GABRG3: variants seen among roughly 807,000 people sequenced by gnomAD.
The protein encoded by GABRG3 is gamma-aminobutyric acid type A receptor subunit gamma3.
GABRG3 carries 25 observed loss-of-function variants against 48.8 expected under a neutral mutation model. The ratio of observed to expected loss-of-function variants is 0.51; its 90% CI spans 0.37 to 0.72. GABRG3 has a LOEUF of 0.72. GABRG3 is among the 30% of genes least tolerant of loss of function. The pLI is 0.00. For synonymous variants in GABRG3, 227 were observed against 217.6 expected, an observed-to-expected ratio of 1.04 and a Z score of -0.38; for missense variants, 394 against 577.9, an observed-to-expected ratio of 0.68 and a Z score of 3.26.
chr15:27,139,604 T>C lies in GABRG3; in HGVS notation c.270+112783T>C, dbSNP rs527386678. Among the ~76,000 whole-genome samples, 51 of 151,432 alleles carry C rather than the reference T, an allele frequency of 3.4e-4. 2 individuals carry two copies. In the South Asian group the frequency reaches 1.0e-2, roughly 30 times the overall value. On this transcript the variant is annotated intron_variant, in intron 3 of 9. Coordinates refer to ENST00000615808, the MANE Select transcript of GABRG3 (RefSeq NM_033223.5). ...AATTAACTCTCACAGGTACTTACTTTTTCTGAAATTTTTTCCCAGAAATTC... is the reference window on the plus strand; with the variant it reads ...AATTAACTCTCACAGGTACTTACTTCTTCTGAAATTTTTTCCCAGAAATTC...
rs571535870 is a variant in GABRG3, at chr15:27,117,367, A to G, written c.270+90546A>G. On this transcript the variant is annotated intron_variant, in intron 3 of 9. Coordinates refer to ENST00000615808, the MANE Select transcript of GABRG3 (RefSeq NM_033223.5). Reference sequence around the variant, plus strand: ...AGCCGAACAATACTCAAAGTTTTTTAGGTGCAGATACTAGCAGACCACAGA... The same window carrying G: ...AGCCGAACAATACTCAAAGTTTTTTGGGTGCAGATACTAGCAGACCACAGA... Among the ~76,000 whole-genome samples the G allele has an allele frequency of 1.6e-4, 24 of 152,106 alleles. 1 individual carries two copies. Among genetic ancestry groups the G allele is most frequent in the Non-Finnish European group, 3.2e-4 (22 of 68,014 alleles).
chr15:27,424,511 G>C (rs1041092475), intron 5 of GABRG3, among the ~76,000 whole-genome samples: 22 of 150,942 alleles, frequency 1.5e-4, no homozygotes, highest in Admixed American at 9.9e-4. Context: ...CCATTCATGA[G>C]AGATCTACTC....
At chr15:27,464,245 C>T (rs979962238) in intron 5 of GABRG3, among the ~76,000 whole-genome samples, 4 of 152,198 alleles carry the variant, frequency 2.6e-5, no homozygotes, top group African/African-American at 7.2e-5. Flanking sequence ...AAACCCTGTA[C>T]CCATTAAGCA....
At chr15:27,513,129 AAGG>A (rs1167795518) in intron 6 of GABRG3, among the ~76,000 whole-genome samples, 1 of 151,962 alleles carries the variant, frequency 6.6e-6, no homozygotes, top group African/African-American at 2.4e-5. Context: ...TGGGGGAGGG[AAGG>A]AGAAGAAATA....
chr15:27,342,481 A>G (rs1894217522), intron 5 of GABRG3, among the ~76,000 whole-genome samples: 1 of 152,134 alleles, frequency 6.6e-6, no homozygotes, highest in East Asian at 1.9e-4. Context: ...TGCCTTCTCA[A>G]TAAAGGAGTG....
intron 6 of GABRG3, among the ~76,000 whole-genome samples, chr15:27,491,123 T>C (rs1566865008): frequency 6.6e-6 from 1 of 152,146 alleles, no homozygotes; most frequent in Non-Finnish European, 1.5e-5. Context: ...CATGCCCTCC[T>C]TCCTTGCTGT....
At chr15:27,063,066 C>G (rs372481454) in intron 3 of GABRG3, among the ~76,000 whole-genome samples, 72 of 152,284 alleles carry the variant, frequency 4.7e-4, no homozygotes, top group African/African-American at 1.6e-3. Flanking sequence ...GTTTTCCCCC[C>G]CAATGAGGAA....
chr15:27,229,608 A>G, intron 3 of GABRG3, among the ~76,000 whole-genome samples: 1 of 151,854 alleles, frequency 6.6e-6, no homozygotes, highest in East Asian at 1.9e-4. Context: ...TCCCGAGTAG[A>G]TGGGATTACA....
At chr15:27,294,779 C>T (rs1051351961) in intron 3 of GABRG3, 1 of 152,136 alleles carries the variant, frequency 6.6e-6, no homozygotes, top group African/African-American at 2.4e-5. Context: ...TTCAGTGACC[C>T]CTCTCACTTC....
At chr15:27,358,921 G>A (rs1404341395) in intron 5 of GABRG3, among the ~76,000 whole-genome samples, 1 of 152,212 alleles carries the variant, frequency 6.6e-6, no homozygotes, top group African/African-American at 2.4e-5. Context: ...CAGTGCAGAG[G>A]GCGCTTCTCC....
At chr15:27,062,436 A>AAAAAAAAAAAAAAAAAAAAAAAG in intron 3 of GABRG3, among the ~76,000 whole-genome samples, 1 of 115,650 alleles carries the variant, frequency 8.6e-6, no homozygotes, top group East Asian at 2.3e-4. Flanking sequence ...ATCTCTACTA[A>AAAAAAAAAAAAAAAAAAAAAAAG]AAAAAAAAAA....
intron 2 of GABRG3, among the ~76,000 whole-genome samples, chr15:26,992,369 T>A (rs1020192432): frequency 1.7e-4 from 26 of 152,218 alleles, no homozygotes; most frequent in African/African-American, 6.0e-4. Flanking sequence ...TGTGGGTCTG[T>A]CATATACAGC....
At chr15:27,150,090 T>C (rs1898282781) in intron 3 of GABRG3, among the ~76,000 whole-genome samples, 2 of 152,244 alleles carry the variant, frequency 1.3e-5, no homozygotes, top group South Asian at 4.1e-4. Flanking sequence ...TACTCCTCCT[T>C]CCTGAAGGTG....
intron 3 of GABRG3, among the ~76,000 whole-genome samples, chr15:27,063,408 A>G (rs1406588788): frequency 6.6e-6 from 1 of 152,218 alleles, no homozygotes; most frequent in Admixed American, 6.5e-5. Flanking sequence ...TATCTGGATC[A>G]TGGGGAGGAT....
chr15:27,133,238 A>G (rs1555405323), intron 3 of GABRG3, among the ~76,000 whole-genome samples: 4 of 152,202 alleles, frequency 2.6e-5, no homozygotes, highest in Non-Finnish European at 1.5e-5. Flanking sequence ...ATTAGAAAAT[A>G]CTACTTTTTT....
At chr15:27,306,683 T>TGAACATGTTTATATATAAACATATAC (rs1892501659) in intron 3 of GABRG3, among the ~76,000 whole-genome samples, 1 of 77,892 alleles carries the variant, frequency 1.3e-5, no homozygotes, top group Non-Finnish European at 2.7e-5. Flanking sequence ...TAAACATATA[T>TGAACATGTTTATATATAAACATATAC]ATGAACATGT....
intron 3 of GABRG3, among the ~76,000 whole-genome samples, chr15:27,247,985 A>C (rs1466546714): frequency 6.6e-6 from 1 of 152,226 alleles, no homozygotes; most frequent in African/African-American, 2.4e-5. Context: ...ATGACTACAC[A>C]TAAGTAGATG....
intron 3 of GABRG3, among the ~76,000 whole-genome samples, chr15:27,148,921 A>C (rs545778714): frequency 1.1e-4 from 17 of 152,162 alleles, no homozygotes; most frequent in African/African-American, 4.1e-4. Flanking sequence ...AAAAGTGTCC[A>C]TCTTAAGATC....
intron 6 of GABRG3, among the ~76,000 whole-genome samples, chr15:27,507,754 T>C (rs182561914): frequency 0.022 from 3,307 of 152,306 alleles, 45 homozygotes; most frequent in Non-Finnish European, 0.032. Context: ...TTAGAAAAGA[T>C]TATTAAATTT....
Sources: allele counts gnomAD v4.1 joint callset (sites outside exome capture counted in the v4.1 genomes callset), GRCh38; gene constraint gnomAD v4.1.1; transcripts MANE v1.5; gene names NCBI Gene and HGNC (gene_info 2026-07-23, HGNC 2026-07-21).